SIL1: variants seen among roughly 807,000 people sequenced by gnomAD.
SIL1 encodes SIL1 nucleotide exchange factor.
A neutral mutation model predicts 49.1 loss-of-function variants in SIL1; 40 were observed. The observed-to-expected ratio is 0.81, with a 90% confidence interval of 0.63 to 1.06. The LOEUF (loss-of-function observed/expected upper bound fraction) is 1.06, where lower values mean the gene tolerates loss of function less well. Ranked by LOEUF, SIL1 falls within the 50% of genes least tolerant of loss-of-function variation. The probability of loss-of-function intolerance (pLI) is 0.00; values close to 1 mark genes in which losing one functional copy is unlikely to be tolerated. For synonymous variants in SIL1, 253 were observed against 250.8 expected (o/e 1.01, Z -0.08); for missense variants, 500 against 572.6 (o/e 0.87, Z 1.29).
chr5:139,040,393 G>T (rs1277565585), intron 5 of SIL1, among the ~76,000 whole-genome samples: 2 of 152,030 alleles, frequency 1.3e-5, no homozygotes. Flanking sequence ...GACCTCAGAG[G>T]TGTGCAGCTG....
At position 139,167,056 on chromosome 5, in the gene SIL1, C is replaced by T. The variant is rs568608411; in HGVS notation, c.-11+31213G>A. Among the ~76,000 whole-genome samples, 8 of 152,288 alleles carry T rather than the reference C, an allele frequency of 5.3e-5. No individual in the cohort carries two copies. The South Asian group carries it at 1.5e-3, about 28-fold the overall frequency. On this transcript the variant is annotated intron_variant, in intron 1 of 9. Coordinates refer to ENST00000394817, the MANE Select transcript of SIL1 (RefSeq NM_022464.5). Reference sequence around the variant, plus strand: ...CTCGATCTCCTGACCTTGTGATCCACCCGCCTCAGCCTCCCAAAGTGCTGA... The same window carrying T: ...CTCGATCTCCTGACCTTGTGATCCATCCGCCTCAGCCTCCCAAAGTGCTGA...
intron 7 of SIL1, among the ~76,000 whole-genome samples, chr5:139,018,147 T>C (rs923665729): frequency 2.6e-5 from 4 of 152,244 alleles, no homozygotes; most frequent in African/African-American, 9.6e-5. Context: ...TCATGTCAAT[T>C]ACATTTACAT....
intron 7 of SIL1, among the ~76,000 whole-genome samples, chr5:138,973,260 T>G (rs1767322455): frequency 7.0e-6 from 1 of 143,376 alleles, no homozygotes; most frequent in South Asian, 2.2e-4. Context: ...AGAATGATCA[T>G]GAATGCTAAA....
At chr5:138,949,810 AAAAAAAG>A (rs1561800688) in intron 9 of SIL1, among the ~76,000 whole-genome samples, 12 of 141,328 alleles carry the variant, frequency 8.5e-5, no homozygotes, top group South Asian at 2.1e-4. Flanking sequence ...AAAAAAAAAA[AAAAAAAG>A]AAAAAAGAAA....
intron 1 of SIL1, among the ~76,000 whole-genome samples, chr5:139,134,432 G>A (rs934293799): frequency 4.6e-5 from 7 of 152,082 alleles, no homozygotes; most frequent in Non-Finnish European, 8.8e-5. Context: ...CTCGGTGCCC[G>A]GCCCACTCCA....
intron 1 of SIL1, among the ~76,000 whole-genome samples, chr5:139,178,708 G>A (rs766958795): frequency 2.0e-5 from 3 of 152,024 alleles, no homozygotes; most frequent in Non-Finnish European, 4.4e-5. Flanking sequence ...CTAGGACCAA[G>A]TCAAATCCCT....
chr5:139,047,229 G>A (rs1045420314), intron 4 of SIL1, among the ~76,000 whole-genome samples: 3 of 152,310 alleles, frequency 2.0e-5, no homozygotes, highest in African/African-American at 4.8e-5. Context: ...GATGTACTAC[G>A]TTGACAGGGA....
At chr5:139,176,640 A>C (rs1210003106) in intron 1 of SIL1, among the ~76,000 whole-genome samples, 1 of 152,140 alleles carries the variant, frequency 6.6e-6, no homozygotes, top group African/African-American at 2.4e-5. Context: ...TGCTTCATAG[A>C]TGGCACCTTC....
At chr5:139,104,081 T>C (rs1183277103) in intron 3 of SIL1, among the ~76,000 whole-genome samples, 1 of 152,212 alleles carries the variant, frequency 6.6e-6, no homozygotes, top group Non-Finnish European at 1.5e-5. Flanking sequence ...CCACACCTGG[T>C]CTGGTCCAGA....
At chr5:138,962,304 A>ATTTTTTTTTTTTTTTTT (rs76466712) in intron 7 of SIL1, among the ~76,000 whole-genome samples, 1 of 143,060 alleles carries the variant, frequency 7.0e-6, no homozygotes, top group African/African-American at 2.6e-5. Flanking sequence ...GACTTTTTCC[A>ATTTTTTTTTTTTTTTTT]TTTTTTTTTT....
At position 138,947,433 on chromosome 5, in the gene SIL1, G is replaced by A; in HGVS notation, c.1070C>T (p.Ser357Phe). 9 of 1,613,594 alleles carry A rather than the reference G, an allele frequency of 5.6e-6. No homozygotes were observed. The highest frequency in any genetic ancestry group is 5.9e-6 in the Non-Finnish European group (7 of 1,180,038). The change falls in exon 10 of 10, where the codon TCC (serine) becomes TTC (phenylalanine). Residue 357 changes from serine to phenylalanine, a missense_variant. Ser to Phe is a radical substitution (Grantham distance 155). Coordinates refer to ENST00000394817, the MANE Select transcript of SIL1 (RefSeq NM_022464.5). This position sits in a 1 kb window ranked among gnomAD's most constrained non-coding sequence, Gnocchi z 4.1. ...EEEAELTQEM[S>F]PEKLQQYRQV... is the part of the protein sequence containing the mutation. Reference sequence around the variant, plus strand: ...GCGATACTGCTGCAGCTTCTCTGGGGACATCTCCTGGGTCAGCTCAGCCTC... The same window carrying A: ...GCGATACTGCTGCAGCTTCTCTGGGAACATCTCCTGGGTCAGCTCAGCCTC...
chr5:139,017,043 G>A (rs1212844482), intron 7 of SIL1: 2 of 152,388 alleles, frequency 1.3e-5, no homozygotes, highest in Admixed American at 6.5e-5. Flanking sequence ...GTAGAGACAG[G>A]GTTTCACCAT....
chr5:138,961,328 A>C (rs919028396), intron 7 of SIL1, among the ~76,000 whole-genome samples: 3 of 152,258 alleles, frequency 2.0e-5, no homozygotes, highest in Non-Finnish European at 2.9e-5. Context: ...TGGAGAAGCC[A>C]GTGGTTCATT....
intron 3 of SIL1, among the ~76,000 whole-genome samples, chr5:139,072,157 G>T (rs1044120790): frequency 6.6e-6 from 1 of 152,070 alleles, no homozygotes; most frequent in Non-Finnish European, 1.5e-5. Context: ...CAATCATTTG[G>T]TATCTTTTAT....
chr5:139,005,129 A>T (rs530753237), intron 7 of SIL1, among the ~76,000 whole-genome samples: 26 of 152,308 alleles, frequency 1.7e-4, no homozygotes, highest in Non-Finnish European at 3.4e-4. Flanking sequence ...CAGGGATGTT[A>T]AGTGCTCTCA....
chr5:139,164,185 G>T (rs1428157655), intron 1 of SIL1, among the ~76,000 whole-genome samples: 2 of 151,996 alleles, frequency 1.3e-5, no homozygotes, highest in African/African-American at 4.8e-5. Context: ...CAGACAGGAG[G>T]GGAAATGACT....
intron 1 of SIL1, among the ~76,000 whole-genome samples, chr5:139,136,610 A>G (rs561678452): frequency 2.8e-4 from 42 of 152,186 alleles, no homozygotes; most frequent in Non-Finnish European, 5.3e-4. Flanking sequence ...AGTTGTAGGC[A>G]ACAATGTCAG....
At chr5:139,075,080 C>T (rs1769919924) in intron 3 of SIL1, among the ~76,000 whole-genome samples, 1 of 152,204 alleles carries the variant, frequency 6.6e-6, no homozygotes, top group Admixed American at 6.5e-5. Flanking sequence ...GCCTTGGCCT[C>T]TCAAAGTGCT....
intron 3 of SIL1, among the ~76,000 whole-genome samples, chr5:139,105,688 G>A (rs1240890020): frequency 1.3e-5 from 2 of 152,220 alleles, no homozygotes; most frequent in Non-Finnish European, 2.9e-5. Context: ...CAGGCTGTGA[G>A]CCGCGACACT....
Sources: allele counts gnomAD v4.1 joint callset (sites outside exome capture counted in the v4.1 genomes callset), GRCh38; gene constraint gnomAD v4.1.1; non-coding constraint Gnocchi (gnomAD v3.1); transcripts MANE v1.5; gene names NCBI Gene and HGNC (gene_info 2026-07-23, HGNC 2026-07-21).